DSTYK: variants seen among roughly 807,000 people sequenced by gnomAD.
DSTYK encodes the protein dual serine/threonine and tyrosine protein kinase.
A neutral mutation model predicts 98.7 loss-of-function variants in DSTYK; 34 were observed. That is an observed-to-expected ratio of 0.34 (90% CI 0.26 to 0.46). The LOEUF (loss-of-function observed/expected upper bound fraction) is 0.46, where lower values mean the gene tolerates loss of function less well. Ranked by LOEUF, DSTYK falls within the 20% of genes least tolerant of loss-of-function variation. The pLI is 1.00. For missense variants in DSTYK, 962 were observed against 1,181.7 expected (o/e 0.81, Z 2.73); for synonymous variants, 462 against 457.3 (o/e 1.01, Z -0.13).
chr1:205,175,884 A>G (rs1365819488), intron 2 of DSTYK, among the ~76,000 whole-genome samples: 1 of 152,186 alleles, frequency 6.6e-6, no homozygotes, highest in East Asian at 1.9e-4. Flanking sequence ...GCTCAAAGCC[A>G]CTTTCAATCG....
rs1281669808 is a variant in DSTYK, at chr1:205,142,570, ATACTC to A, written c.*4983_*4987del. ...TTGTGTATCCCAACAAGTATACAGA[ATACTC>A]TATAAAACCAAACCCAACCCTTCAA... is the stretch of plus-strand genomic sequence containing the variant. On this transcript the variant is annotated 3_prime_UTR_variant, in exon 13 of 13. Transcript: ENST00000367162. 1 of 152,236 alleles carries A rather than the reference ATACTC, an allele frequency of 6.6e-6. No homozygotes were observed. Among genetic ancestry groups the A allele is most frequent in the Non-Finnish European group, 1.5e-5 (1 of 68,042 alleles). 9.4% of individuals were successfully genotyped at this position (152,236 alleles called of 1,614,324 possible). A position where few individuals can be genotyped will look rare whatever the true frequency, so the allele number is the denominator to read the frequency against.
intron 1 of DSTYK, among the ~76,000 whole-genome samples, chr1:205,208,463 A>G (rs115592580): frequency 9.7e-4 from 148 of 152,312 alleles, no homozygotes; most frequent in African/African-American, 3.4e-3. Context: ...TACTACATCA[A>G]CCTAGAGGCA....
chr1:205,161,601 C>CT (rs1657722346), intron 6 of DSTYK, among the ~76,000 whole-genome samples: 1 of 152,182 alleles, frequency 6.6e-6, no homozygotes, highest in South Asian at 2.1e-4. Flanking sequence ...TATCCACTCT[C>CT]TGCCTGGACA....
rs1210490465 is a variant in DSTYK at position 205,211,614 on chromosome 1, A to T, written c.-79T>A. On this transcript the variant is annotated 5_prime_UTR_variant, in exon 1 of 13. Transcript: ENST00000367162. ...CCCTCCTCCCCGCCCCCCAGTGCCGAAGGGAGGAGGAATCCGCCTCCTGAC... is the reference window on the plus strand; with the variant it reads ...CCCTCCTCCCCGCCCCCCAGTGCCGTAGGGAGGAGGAATCCGCCTCCTGAC... 7.9e-6 allele frequency: 11 copies of T among 1,399,178 alleles called. No individual in the cohort carries two copies. The Admixed American group carries it at 3.3e-4, about 42-fold the overall frequency. The allele number at this position is 1,399,178 out of a possible 1,614,324, so 86.7% of individuals were successfully genotyped here.
chr1:205,181,650 T>TGGG (rs201101134), intron 2 of DSTYK, among the ~76,000 whole-genome samples: 2 of 109,652 alleles, frequency 1.8e-5, no homozygotes, highest in Non-Finnish European at 2.1e-5. Context: ...CCACAGATGT[T>TGGG]GGGGTTTGTG....
At chr1:205,184,997 T>C (rs1658522752) in intron 2 of DSTYK, among the ~76,000 whole-genome samples, 1 of 152,104 alleles carries the variant, frequency 6.6e-6, no homozygotes, top group African/African-American at 2.4e-5. Context: ...GGTCAGGAGT[T>C]TGAGACCAGC....
chr1:205,162,069 A>G lies in DSTYK; in HGVS notation c.1785T>C (p.Ser595=), dbSNP rs752087124. The change falls in exon 6 of 13, where the codon AGT becomes AGC. Residue 595 remains serine, a synonymous_variant. Coordinates refer to ENST00000367162, the MANE Select transcript of DSTYK (RefSeq NM_015375.3). ...ICSQFRTRLN[S]SHEAFAASLR... is the part of the protein sequence containing the mutation. ...AGGAGGCTGCAAAAGCCTCGTGGGA[A>G]CTATTGAGCCGAGTCCGGAATTGGC... 2.3e-5 allele frequency: 37 copies of G among 1,614,086 alleles called. No homozygotes were observed. The highest frequency in any genetic ancestry group is 3.1e-5 in the Non-Finnish European group (36 of 1,179,970).
At chr1:205,180,812 A>AT (rs1658375709) in intron 2 of DSTYK, among the ~76,000 whole-genome samples, 1 of 152,174 alleles carries the variant, frequency 6.6e-6, no homozygotes, top group Admixed American at 6.5e-5. Flanking sequence ...GAGCATAGGG[A>AT]TTAAAAAAAA....
intron 2 of DSTYK, among the ~76,000 whole-genome samples, chr1:205,170,084 A>T (rs1658015055): frequency 6.6e-6 from 1 of 151,988 alleles, no homozygotes; most frequent in Non-Finnish European, 1.5e-5. Context: ...CCATCAGATT[A>T]AAAAAAAATT....
chr1:205,148,168 AGG>A, intron 12 of DSTYK, 35 bp downstream of exon 12: 1 of 1,613,260 alleles, frequency 6.2e-7, no homozygotes, highest in Non-Finnish European at 8.5e-7. Flanking sequence ...TGCGCTAGCC[AGG>A]GGAGTTAGGA....
At chr1:205,163,685 T>A (rs775872967) in intron 4 of DSTYK, 38 bp downstream of exon 4, 2 of 1,534,682 alleles carry the variant, frequency 1.3e-6, no homozygotes, top group Non-Finnish European at 1.8e-6. Context: ...TCATGTGCTA[T>A]CTATGACACG....
chr1:205,150,923 G>T lies in DSTYK; in HGVS notation c.2353-129C>A. On this transcript the variant is annotated intron_variant, in intron 10 of 12. Coordinates refer to ENST00000367162, the MANE Select transcript of DSTYK (RefSeq NM_015375.3). The surrounding 1 kb of genome is among the most constrained non-coding windows in gnomAD (Gnocchi z 4.1). ...TAGGATTATGCTCTGAAAATGAGTT[G>T]TCAGGTGATTTCATCCTTGTACAAA... 1 of 748,982 alleles carries T rather than the reference G, an allele frequency of 1.3e-6. No homozygotes were observed. 46.4% of individuals were successfully genotyped at this position (748,982 alleles called of 1,614,324 possible).
chr1:205,180,589 T>C (rs3851288), intron 2 of DSTYK, among the ~76,000 whole-genome samples: 74,979 of 152,050 alleles, frequency 0.49, 21,344 homozygotes, highest in Non-Finnish European at 0.63. Flanking sequence ...CTCAGCCTCC[T>C]GAGTAGCTGG....
chr1:205,178,552 C>A (rs927122218), intron 2 of DSTYK, among the ~76,000 whole-genome samples: 2 of 152,130 alleles, frequency 1.3e-5, no homozygotes, highest in Non-Finnish European at 2.9e-5. Context: ...ACAGCTTTCT[C>A]CTTTCATTTT....
Position 205,163,888 on chromosome 1 carries a change from G to A in DSTYK, c.1392C>T (p.Ile464=), listed in dbSNP as rs1657809750. Residue 464 remains isoleucine (I), a synonymous_variant, in exon 4 of 13, where the codon ATC becomes ATT. Transcript: ENST00000367162. ...TAAGTCGGGAGATGATGAGTTCCTGGATCTGTCGGATGCAGCATTTGATCT... is the reference window on the plus strand; with the variant it reads ...TAAGTCGGGAGATGATGAGTTCCTGAATCTGTCGGATGCAGCATTTGATCT... ...TREIKCCIRQ[I]QELIISRLNQ... 9.9e-6 allele frequency: 16 copies of A among 1,614,116 alleles called. No homozygotes were observed. Among genetic ancestry groups the A allele is most frequent in the Non-Finnish European group, 1.3e-5 (15 of 1,180,012 alleles).
intron 11 of DSTYK, 136 bp from the exon 12 acceptor site, chr1:205,148,475 G>T (rs1044425683): frequency 6.8e-6 from 7 of 1,022,194 alleles, no homozygotes; most frequent in Non-Finnish European, 8.4e-6. Flanking sequence ...AACCCTGCCA[G>T]GTAGGCAGGG....
At chr1:205,168,328 G>A (rs1328947804) in intron 3 of DSTYK, among the ~76,000 whole-genome samples, 4 of 152,004 alleles carry the variant, frequency 2.6e-5, no homozygotes, top group South Asian at 2.1e-4. Flanking sequence ...TGTGACCCTG[G>A]GCAAATTACT....
At chr1:205,160,027 G>T in intron 8 of DSTYK, 87 bp downstream of exon 8, 2 of 1,476,912 alleles carry the variant, frequency 1.4e-6, no homozygotes, top group Admixed American at 1.7e-5. Flanking sequence ...GAGAGGCCAT[G>T]CTGTAGCTCT....
chr1:205,189,900 T>C (rs1432635113), intron 1 of DSTYK, among the ~76,000 whole-genome samples: 1 of 152,142 alleles, frequency 6.6e-6, no homozygotes, highest in East Asian at 1.9e-4. Flanking sequence ...TGCAAGGGTA[T>C]TTACTAAATA....
Sources: gnomAD v4.1 joint callset for allele counts (sites outside exome capture counted in the v4.1 genomes callset) on GRCh38, gnomAD v4.1.1 for gene constraint, Gnocchi (gnomAD v3.1) non-coding constraint, MANE v1.5 for transcripts, NCBI Gene and HGNC (gene_info 2026-07-23, HGNC 2026-07-21) for gene names.